Variants in RFC5 observed in about 807,000 individuals in gnomAD.
RFC5 encodes A1 36 kDa subunit.
Under a neutral mutation model 44.3 loss-of-function variants are expected in RFC5, and 26 were observed. The observed-to-expected ratio is 0.59, with a 90% CI of 0.43 to 0.81. RFC5 has a LOEUF of 0.81. Among genes scored for constraint, RFC5 ranks in the 40% least tolerant of loss-of-function variants. The pLI is 0.00. For synonymous variants in RFC5, 155 were observed against 155.2 expected (o/e 1.00, Z 0.01); for missense variants, 328 against 418.6 (o/e 0.78, Z 1.89).
downstream of RFC5, chr12:118,034,377 C>G (rs117570803): frequency 1.2e-6 from 2 of 1,612,316 alleles, no homozygotes; most frequent in Non-Finnish European, 1.7e-6. Flanking sequence ...AAACAGAAAC[C>G]GATGCTAAGA....
the RFC5 span, among the ~76,000 whole-genome samples, chr12:118,039,177 T>C: frequency 6.6e-6 from 1 of 152,162 alleles, no homozygotes; most frequent in Non-Finnish European, 1.5e-5. Flanking sequence ...AGCAGTGGTG[T>C]GGAGTCACTA....
chr12:118,017,744 C>A, intron 1 of RFC5: 1 of 661,992 alleles, frequency 1.5e-6, no homozygotes, highest in Non-Finnish European at 2.7e-6. Flanking sequence ...GATCACAGCT[C>A]AGTGTAACCT....
At chr12:118,025,973 G>A in intron 7 of RFC5, 145 bp downstream of exon 7, 1 of 584,562 alleles carries the variant, frequency 1.7e-6, no homozygotes. Context: ...CTCCTGAGCA[G>A]CTGGGATTAC....
chr12:118,021,914 G>A (rs112563290), intron 4 of RFC5, among the ~76,000 whole-genome samples: 75 of 152,098 alleles, frequency 4.9e-4, no homozygotes, highest in African/African-American at 1.7e-3. Context: ...CCAAGATCGC[G>A]GCACTGCACT....
At position 118,022,364 on chromosome 12, in the gene RFC5, G is replaced by GC; in HGVS notation, c.421+6dup. The GC allele has an allele frequency of 6.2e-7, 1 of 1,606,386 alleles. No individual in the cohort carries two copies. Among genetic ancestry groups the GC allele is most frequent in the Non-Finnish European group, 8.5e-7 (1 of 1,172,910 alleles). ...CCCAGAATGCCTTGAGAAGAGGTAA[G>GC]CAGAGGCACTGTGGAGCGTTTGGGC... On this transcript the variant is annotated splice_donor_region_variant and intron_variant, in intron 5 of 10. Coordinates refer to ENST00000454402, the MANE Select transcript of RFC5 (RefSeq NM_007370.7).
downstream of RFC5, chr12:118,036,304 C>G (rs757965840): frequency 6.3e-7 from 1 of 1,598,374 alleles, no homozygotes; most frequent in Non-Finnish European, 8.6e-7. Flanking sequence ...TCAGTCCCCC[C>G]ACAAAAAAGT....
At chr12:118,031,070 A>C in intron 10 of RFC5, 112 bp from the exon 11 acceptor site, 1 of 687,370 alleles carries the variant, frequency 1.5e-6, no homozygotes, top group Admixed American at 2.6e-5. Flanking sequence ...TGTTCTATCA[A>C]TTCCCATCCC....
chr12:118,033,514 A>C (rs562499933), downstream of RFC5: 5 of 152,388 alleles, frequency 3.3e-5, no homozygotes, highest in African/African-American at 1.2e-4. Flanking sequence ...CTGACATACA[A>C]ATTTGTCATT....
Position 118,027,959 on chromosome 12 carries a change from C to G in RFC5, c.800C>G (p.Thr267Arg). The G allele has an allele frequency of 6.2e-7, 1 of 1,601,548 alleles. No individual in the cohort carries two copies. Among genetic ancestry groups the G allele is most frequent in the Non-Finnish European group, 8.6e-7 (1 of 1,168,894 alleles). ...GCCTTAACTGCTCCTCTAGATATTACAGAGTTGAAAACTCTGAAGGGGTTG... is the reference window on the plus strand; with the variant it reads ...GCCTTAACTGCTCCTCTAGATATTAGAGAGTTGAAAACTCTGAAGGGGTTG... ...QDFTTAYRNI[T>R]ELKTLKGLAL... The change falls in exon 9 of 11, where the codon ACA (threonine) becomes AGA (arginine). Residue 267 changes from threonine (T) to arginine (R), a missense_variant. Transcript: ENST00000454402.
chr12:118,026,744 A>G, intron 7 of RFC5, 145 bp from the exon 8 acceptor site: 2 of 791,494 alleles, frequency 2.5e-6, no homozygotes, highest in East Asian at 2.6e-5. Context: ...CCGGTATTGA[A>G]TATGTGGGTT....
At chr12:118,036,587 A>C, downstream of RFC5, 1 of 1,462,126 alleles carries the variant, frequency 6.8e-7, no homozygotes, top group South Asian at 1.4e-5. Flanking sequence ...GAAAGGTACC[A>C]CCACCAAATC....
At chr12:118,022,453 A>G (rs1280289272) in intron 5 of RFC5, 94 bp downstream of exon 5, 2 of 896,818 alleles carry the variant, frequency 2.2e-6, no homozygotes, top group African/African-American at 1.7e-5. Flanking sequence ...TTGTTTTTTT[A>G]GGCGGGGGGG....
intron 4 of RFC5, among the ~76,000 whole-genome samples, chr12:118,021,507 C>T (rs973681349): frequency 2.0e-5 from 3 of 152,078 alleles, no homozygotes; most frequent in African/African-American, 7.2e-5. Context: ...GCCCAGCCTG[C>T]ATTACCAAGT....
At position 118,017,477 on chromosome 12, in the gene RFC5, C is replaced by G. The variant is rs114882653; in HGVS notation, c.65+585C>G. ...TGGCTTGGAGGTGAATCTAGGAAGTCTGAATTCAGATCTTGTACTCTTAAC... is the reference window on the plus strand; with the variant it reads ...TGGCTTGGAGGTGAATCTAGGAAGTGTGAATTCAGATCTTGTACTCTTAAC... On this transcript the variant is annotated intron_variant, in intron 1 of 10. Coordinates refer to ENST00000454402, the MANE Select transcript of RFC5 (RefSeq NM_007370.7). 8.2e-3 allele frequency among the ~76,000 whole-genome samples: 1,249 copies of G among 152,260 alleles called. 18 individuals are homozygous for G. The highest frequency in any genetic ancestry group is 0.029 in the African/African-American group (1,188 of 41,546).
chr12:118,034,388 CAG>C (rs1216890625), downstream of RFC5: 2 of 1,610,416 alleles, frequency 1.2e-6, no homozygotes, highest in East Asian at 2.2e-5. Flanking sequence ...GATGCTAAGA[CAG>C]AGCTTGGATG....
chr12:118,039,791 G>A, the RFC5 span, among the ~76,000 whole-genome samples: 4 of 151,100 alleles, frequency 2.6e-5, no homozygotes, highest in Admixed American at 2.6e-4. Flanking sequence ...TTGCCTAGGT[G>A]GGAGTGCAAT....
intron 5 of RFC5, 153 bp from the exon 6 acceptor site, chr12:118,024,698 A>T: frequency 1.5e-6 from 1 of 649,184 alleles, no homozygotes; most frequent in Non-Finnish European, 2.7e-6. Flanking sequence ...GACGTGAGCC[A>T]CTAAGCCACT....
In RFC5 at chr12:118,019,757, A is replaced by G. The variant is rs771566900; in HGVS notation, c.256A>G (p.Met86Val). ...ATATAAAGACAAAGAATTTGGCTCC[A>G]TGGTCTTGGAGGTAAATAAGATTGT... ...QLYKDKEFGS[M>V]VLELNASDDR... The change falls in exon 3 of 11, where the codon ATG becomes GTG. Residue 86 changes from methionine to valine, a missense_variant. By Grantham distance (21) the Met-to-Val change is conservative. Coordinates refer to ENST00000454402, the MANE Select transcript of RFC5 (RefSeq NM_007370.7). The surrounding 1 kb of genome is among the most constrained non-coding windows in gnomAD (Gnocchi z 4.2). The G allele has an allele frequency of 2.5e-6, 4 of 1,613,780 alleles. No individual in the cohort carries two copies. The highest frequency in any genetic ancestry group is 1.7e-5 in the Admixed American group (1 of 59,992).
intron 1 of RFC5, 136 bp downstream of exon 1, chr12:118,017,028 C>G (rs2241737): frequency 0.57 from 409,534 of 712,800 alleles, 122,013 homozygotes; most frequent in African/African-American, 0.84. Flanking sequence ...CCGGGACCGA[C>G]CTGCAGAGGT....
Sources: gnomAD v4.1 joint callset for allele counts (sites outside exome capture counted in the v4.1 genomes callset) on GRCh38, gnomAD v4.1.1 for gene constraint, Gnocchi (gnomAD v3.1) non-coding constraint, MANE v1.5 for transcripts, NCBI Gene and HGNC (gene_info 2026-07-23, HGNC 2026-07-21) for gene names.